The following CDH12 variants were observed in gnomAD, a reference collection of about 807,000 sequenced individuals.
CDH12 encodes the protein cadherin 12.
CDH12 carries 41 observed loss-of-function variants against 74.1 expected under a neutral mutation model. The ratio of observed to expected loss-of-function variants is 0.55; its 90% confidence interval spans 0.43 to 0.72. The LOEUF is 0.72. CDH12 is among the 30% of genes least tolerant of loss of function. The pLI is 0.00. For synonymous variants in CDH12, 399 were observed against 355.0 expected, an observed-to-expected ratio of 1.12 and a Z score of -1.39; for missense variants, 945 against 977.2, an observed-to-expected ratio of 0.97 and a Z score of 0.44.
At chr5:22,714,960 G>A (rs969296842) in intron 1 of CDH12, among the ~76,000 whole-genome samples, 2 of 152,076 alleles carry the variant, frequency 1.3e-5, no homozygotes, top group Non-Finnish European at 2.9e-5. Flanking sequence ...TCCCAGGCTG[G>A]AATACTGGTG....
chr5:22,179,477 G>A (rs1348092587), intron 4 of CDH12, among the ~76,000 whole-genome samples: 1 of 152,056 alleles, frequency 6.6e-6, no homozygotes, highest in African/African-American at 2.4e-5. Flanking sequence ...CGTAAAGTTG[G>A]AAGATAAATT....
rs200779800 is a variant in CDH12 at position 22,095,161 on chromosome 5, G to C, written c.-186-16299C>G. On this transcript the variant is annotated intron_variant, in intron 4 of 14. Transcript: ENST00000382254. ...TGAAAAAGATCCACCTACGACCTCA[G>C]GTCCTCAGACCCACCAGCCCAAGGA... Among the ~76,000 whole-genome samples, 21 of 152,176 alleles carry C rather than the reference G, an allele frequency of 1.4e-4. No homozygotes were observed. The East Asian group carries it at 3.1e-3, about 22-fold the overall frequency.
chr5:22,272,887 G>A (rs1035420972), intron 3 of CDH12, among the ~76,000 whole-genome samples: 2 of 152,182 alleles, frequency 1.3e-5, no homozygotes, highest in African/African-American at 4.8e-5. Flanking sequence ...CTGGATGGCT[G>A]GGGAGGCCTC....
At chr5:21,820,451 T>A (rs1388967894) in intron 8 of CDH12, among the ~76,000 whole-genome samples, 2 of 152,018 alleles carry the variant, frequency 1.3e-5, no homozygotes, top group Non-Finnish European at 2.9e-5. Context: ...AAGATAAAAG[T>A]AAAGCAATGA....
intron 1 of CDH12, among the ~76,000 whole-genome samples, chr5:22,843,596 T>C (rs2126527471): frequency 6.7e-6 from 1 of 150,098 alleles, no homozygotes; most frequent in African/African-American, 2.4e-5. Context: ...ACTGAAGAAG[T>C]TGTTCTTAAC....
chr5:22,203,921 G>A (rs989695890), intron 4 of CDH12, among the ~76,000 whole-genome samples: 7 of 152,192 alleles, frequency 4.6e-5, no homozygotes, highest in South Asian at 4.1e-4. Context: ...CGGATTGTGG[G>A]ATAAGAACTC....
intron 1 of CDH12, among the ~76,000 whole-genome samples, chr5:22,537,419 G>A (rs767687487): frequency 3.3e-5 from 5 of 152,138 alleles, no homozygotes; most frequent in Non-Finnish European, 7.3e-5. Context: ...TATCTTGGAC[G>A]AGCACTGTCA....
intron 3 of CDH12, among the ~76,000 whole-genome samples, chr5:22,293,152 G>A (rs927471944): frequency 6.6e-6 from 1 of 152,078 alleles, no homozygotes; most frequent in Non-Finnish European, 1.5e-5. Context: ...TGCTGCTGTA[G>A]CCCCTACCCC....
At chr5:22,716,761 G>T (rs898921100) in intron 1 of CDH12, among the ~76,000 whole-genome samples, 1 of 151,980 alleles carries the variant, frequency 6.6e-6, no homozygotes. Context: ...TGATATTGAT[G>T]ATCCTGACCC....
intron 3 of CDH12, among the ~76,000 whole-genome samples, chr5:22,394,599 T>C (rs1452549151): frequency 1.3e-5 from 2 of 152,124 alleles, no homozygotes; most frequent in Non-Finnish European, 2.9e-5. Context: ...TTAATTACTC[T>C]GAGACCCTGA....
chr5:22,495,920 G>A (rs1050854913), intron 2 of CDH12, among the ~76,000 whole-genome samples: 4 of 152,048 alleles, frequency 2.6e-5, no homozygotes, highest in African/African-American at 9.7e-5. Context: ...ACAGAAATAT[G>A]GAACTTACTT....
intron 9 of CDH12, among the ~76,000 whole-genome samples, chr5:21,805,411 C>T (rs973552658): frequency 1.3e-5 from 2 of 152,096 alleles, no homozygotes; most frequent in African/African-American, 4.8e-5. Flanking sequence ...TTAAGGACCC[C>T]TGACCTATAA....
intron 4 of CDH12, among the ~76,000 whole-genome samples, chr5:22,117,527 T>TAA (rs1745245186): frequency 9.7e-6 from 1 of 103,116 alleles, no homozygotes; most frequent in African/African-American, 4.0e-5. Context: ...ATATATAATA[T>TAA]ATATATATAT....
chr5:22,571,460 G>A (rs1739536182), intron 1 of CDH12, among the ~76,000 whole-genome samples: 1 of 152,080 alleles, frequency 6.6e-6, no homozygotes, highest in Non-Finnish European at 1.5e-5. Flanking sequence ...CTGAATAGCT[G>A]GGATTACAGG....
intron 2 of CDH12, among the ~76,000 whole-genome samples, chr5:22,465,601 A>T (rs2126594229): frequency 6.6e-6 from 1 of 152,330 alleles, no homozygotes; most frequent in Admixed American, 6.5e-5. Flanking sequence ...AGCCACGATC[A>T]TGCCACCACA....
chr5:22,515,578 G>A (rs950066606), intron 1 of CDH12, among the ~76,000 whole-genome samples: 1 of 151,902 alleles, frequency 6.6e-6, no homozygotes, highest in Non-Finnish European at 1.5e-5. Context: ...GAAATGGAAG[G>A]GAGAGCCTTG....
intron 6 of CDH12, among the ~76,000 whole-genome samples, chr5:21,855,321 G>A (rs1750696908): frequency 6.6e-6 from 1 of 151,628 alleles, no homozygotes; most frequent in African/African-American, 2.4e-5. Context: ...AGTTATAAGA[G>A]CACTTCTTTG....
At chr5:22,071,679 A>G (rs1741949785) in intron 5 of CDH12, among the ~76,000 whole-genome samples, 1 of 152,102 alleles carries the variant, frequency 6.6e-6, no homozygotes, top group Non-Finnish European at 1.5e-5. Flanking sequence ...TTTAACTACC[A>G]TCTGTATTCC....
chr5:22,396,109 G>A (rs185921356), intron 3 of CDH12, among the ~76,000 whole-genome samples: 439 of 152,134 alleles, frequency 2.9e-3, no homozygotes, highest in Non-Finnish European at 4.9e-3. Flanking sequence ...TTTAAGCTGG[G>A]ATTTTTATTA....
Sources: gnomAD v4.1 joint callset for allele counts (sites outside exome capture counted in the v4.1 genomes callset) on GRCh38, gnomAD v4.1.1 for gene constraint, MANE v1.5 for transcripts, NCBI Gene and HGNC (gene_info 2026-07-23, HGNC 2026-07-21) for gene names.